Variants in PAK5 observed in about 807,000 individuals in gnomAD.
PAK5 encodes the protein serine/threonine-protein kinase PAK 5.
Under a neutral mutation model 65.9 loss-of-function variants are expected in PAK5, and 16 were observed. The ratio of observed to expected loss-of-function variants is 0.24; its 90% confidence interval spans 0.16 to 0.37. PAK5 has a LOEUF of 0.37. Among genes scored for constraint, PAK5 ranks in the 10% least tolerant of loss-of-function variants. PAK5 has a pLI of 1.00. For synonymous variants in PAK5, 371 were observed against 354.9 expected (o/e 1.05, Z -0.51); for missense variants, 785 against 903.9 (o/e 0.87, Z 1.69).
At chr20:9,551,636 C>T (rs1424907300) in intron 7 of PAK5, among the ~76,000 whole-genome samples, 1 of 152,170 alleles carries the variant, frequency 6.6e-6, no homozygotes, top group East Asian at 1.9e-4. Context: ...TCTGTGTCTG[C>T]TCTAGGGTCT....
intron 2 of PAK5, among the ~76,000 whole-genome samples, chr20:9,683,992 C>T (rs554983676): frequency 1.3e-5 from 2 of 152,188 alleles, no homozygotes; most frequent in Admixed American, 1.3e-4. Flanking sequence ...ATAGATAGTT[C>T]TCTGCGGACA....
chr20:9,716,210 T>C (rs560415996), intron 1 of PAK5, among the ~76,000 whole-genome samples: 44 of 82,022 alleles, frequency 5.4e-4, no homozygotes, highest in African/African-American at 1.9e-3. Context: ...CTAGGATCAC[T>C]AGGACTTAGT....
chr20:9,633,877 A>G (rs891975851), intron 3 of PAK5, among the ~76,000 whole-genome samples: 2 of 152,208 alleles, frequency 1.3e-5, no homozygotes, highest in Non-Finnish European at 2.9e-5. Flanking sequence ...ATAACTTTTC[A>G]ATATAACCTA....
intron 3 of PAK5, among the ~76,000 whole-genome samples, chr20:9,598,616 G>A (rs1405742066): frequency 6.6e-6 from 1 of 152,056 alleles, no homozygotes; most frequent in Non-Finnish European, 1.5e-5. Flanking sequence ...GCCTTGCCAG[G>A]ATCTGTTGTT....
intron 2 of PAK5, among the ~76,000 whole-genome samples, chr20:9,682,553 G>A (rs2206478): frequency 0.29 from 43,952 of 151,784 alleles, 6,666 homozygotes; most frequent in African/African-American, 0.38. Context: ...AAAGGTTGCA[G>A]CACTGAAGTG....
chr20:9,620,368 C>T (rs760571262), intron 3 of PAK5, among the ~76,000 whole-genome samples: 4 of 152,186 alleles, frequency 2.6e-5, no homozygotes, highest in Admixed American at 1.3e-4. Context: ...AGAAGGATTG[C>T]GGAAAGCAGG....
At chr20:9,792,509 A>G (rs1370649569) in intron 1 of PAK5, among the ~76,000 whole-genome samples, 1 of 152,170 alleles carries the variant, frequency 6.6e-6, no homozygotes, top group Admixed American at 6.5e-5. Flanking sequence ...TCACATGAGG[A>G]AATATCCAAA....
chr20:9,777,348 A>G (rs2048897369), intron 1 of PAK5, among the ~76,000 whole-genome samples: 1 of 152,156 alleles, frequency 6.6e-6, no homozygotes, highest in South Asian at 2.1e-4. Context: ...GGTGGGAGGT[A>G]ATTGAATCAA....
intron 6 of PAK5, among the ~76,000 whole-genome samples, chr20:9,558,061 T>C (rs1310412345): frequency 6.6e-6 from 1 of 151,798 alleles, no homozygotes; most frequent in Non-Finnish European, 1.5e-5. Flanking sequence ...CATTCATTCA[T>C]TCATTCATTC....
intron 1 of PAK5, among the ~76,000 whole-genome samples, chr20:9,828,825 T>TTC (rs956139044): frequency 6.6e-6 from 1 of 151,656 alleles, no homozygotes; most frequent in Non-Finnish European, 1.5e-5. Flanking sequence ...AGGTGGGAGT[T>TTC]TCTCTCTCTC....
intron 1 of PAK5, among the ~76,000 whole-genome samples, chr20:9,749,738 G>A (rs1006048366): frequency 7.2e-5 from 11 of 152,120 alleles, no homozygotes; most frequent in Non-Finnish European, 1.0e-4. Context: ...CAAGGAATCC[G>A]CACAAGGATG....
At chr20:9,768,730 C>T (rs2048798816) in intron 1 of PAK5, among the ~76,000 whole-genome samples, 1 of 141,896 alleles carries the variant, frequency 7.0e-6, no homozygotes, top group African/African-American at 2.7e-5. Context: ...TTGCAGTGAA[C>T]CAAGTTCACA....
intron 1 of PAK5, among the ~76,000 whole-genome samples, chr20:9,728,418 G>T (rs1301205291): frequency 6.6e-6 from 1 of 152,178 alleles, no homozygotes; most frequent in Non-Finnish European, 1.5e-5. Context: ...TTCTCTCAGA[G>T]TTAGGAAATA....
intron 1 of PAK5, among the ~76,000 whole-genome samples, chr20:9,751,947 G>A (rs1300101387): frequency 6.6e-6 from 1 of 152,084 alleles, no homozygotes; most frequent in African/African-American, 2.4e-5. Context: ...ATAATCAGAC[G>A]CTGTGTTTTT....
chr20:9,747,741 C>A (rs1361740379), intron 1 of PAK5, among the ~76,000 whole-genome samples: 5 of 151,622 alleles, frequency 3.3e-5, no homozygotes, highest in Admixed American at 6.6e-5. Context: ...ACTGAATGGG[C>A]AAAAACTGGA....
At chr20:9,561,166 A>G (rs2045584879) in intron 6 of PAK5, among the ~76,000 whole-genome samples, 1 of 152,176 alleles carries the variant, frequency 6.6e-6, no homozygotes, top group African/African-American at 2.4e-5. Context: ...CTGGGTCTTT[A>G]AAAGGGAAAT....
intron 8 of PAK5, among the ~76,000 whole-genome samples, chr20:9,544,088 C>T (rs1234758905): frequency 1.3e-5 from 2 of 152,198 alleles, no homozygotes; most frequent in African/African-American, 4.8e-5. Context: ...TGTGTGCCTG[C>T]TACTGAGAGT....
Position 9,822,186 on chromosome 20 carries a change from G to A in PAK5, c.-162+16576C>T, listed in dbSNP as rs112981651. Reference sequence around the variant, plus strand: ...TCTCTGTAGTCACAGCTTCTTGGGAGGCTGAGGCTGAAGGATTGCCTGAAC... The same window carrying A: ...TCTCTGTAGTCACAGCTTCTTGGGAAGCTGAGGCTGAAGGATTGCCTGAAC... On this transcript the variant is annotated intron_variant, in intron 1 of 9. Transcript: ENST00000353224. Among the ~76,000 whole-genome samples the A allele has an allele frequency of 5.7e-4, 86 of 151,862 alleles. 3 individuals carry two copies. The highest frequency in any genetic ancestry group is 6.8e-3 in the Middle Eastern group (2 of 294).
intron 5 of PAK5, among the ~76,000 whole-genome samples, chr20:9,563,615 G>A (rs574602757): frequency 2.0e-5 from 3 of 152,168 alleles, no homozygotes; most frequent in African/African-American, 7.2e-5. Context: ...AGGCTAAGGA[G>A]CCTGCTTGCT....
Sources: allele counts gnomAD v4.1 joint callset (sites outside exome capture counted in the v4.1 genomes callset), GRCh38; gene constraint gnomAD v4.1.1; transcripts MANE v1.5; gene names NCBI Gene and HGNC (gene_info 2026-07-23, HGNC 2026-07-21).